FIG4: variants seen among roughly 807,000 people sequenced by gnomAD.
FIG4 encodes FIG4 phosphoinositide 5-phosphatase.
FIG4 carries 112 observed loss-of-function variants against 118.6 expected under a neutral mutation model. The ratio of observed to expected loss-of-function variants is 0.94; its 90% CI spans 0.81 to 1.11. The LOEUF is 1.11. Ranked by LOEUF, FIG4 falls within the 50% of genes least tolerant of loss-of-function variation. The pLI is 0.00. For missense variants in FIG4, 969 were observed against 1,111.7 expected, an observed-to-expected ratio of 0.87 and a Z score of 1.83; for synonymous variants, 369 against 381.2, an observed-to-expected ratio of 0.97 and a Z score of 0.37.
intron 10 of FIG4, among the ~76,000 whole-genome samples, chr6:109,759,612 A>C (rs778599860): frequency 3.2e-4 from 49 of 152,330 alleles, no homozygotes; most frequent in Non-Finnish European, 6.0e-4. Context: ...ACAGTAAAGT[A>C]CTAGCTTCTC....
At chr6:109,804,977 A>G (rs1386831802) in intron 22 of FIG4, among the ~76,000 whole-genome samples, 4 of 152,214 alleles carry the variant, frequency 2.6e-5, no homozygotes, top group Admixed American at 1.3e-4. Context: ...TCTTTTAGGA[A>G]TTTTATGCAG....
chr6:109,710,508 T>G (rs543017538), intron 1 of FIG4, among the ~76,000 whole-genome samples: 1 of 152,350 alleles, frequency 6.6e-6, no homozygotes, highest in African/African-American at 2.4e-5. Context: ...TCAGTTTTTT[T>G]GGAATAGTTT....
At chr6:109,820,791 C>T (rs972709555) in intron 22 of FIG4, among the ~76,000 whole-genome samples, 1 of 152,158 alleles carries the variant, frequency 6.6e-6, no homozygotes, top group Non-Finnish European at 1.5e-5. Flanking sequence ...CTACAGACAA[C>T]ACTTACCTCA....
chr6:109,707,611 G>A (rs907246371), intron 1 of FIG4, among the ~76,000 whole-genome samples: 2 of 151,724 alleles, frequency 1.3e-5, no homozygotes, highest in African/African-American at 4.8e-5. Flanking sequence ...GACCCAACTT[G>A]TCTGACATTT....
At position 109,786,384 on chromosome 6, in the gene FIG4, C is replaced by T. The variant is rs1468336267; in HGVS notation, c.2031C>T (p.Phe677=). The change falls in exon 18 of 23, where the codon TTC becomes TTT. Residue 677 remains phenylalanine, a synonymous_variant. Transcript: ENST00000230124. ...YEEEIDIHNE[F]FRPYELSSFD... ...AAGAGATTGATATCCACAATGAGTTCTTTCGGCCATATGAGTTGAGCAGCT... is the reference window on the plus strand; with the variant it reads ...AAGAGATTGATATCCACAATGAGTTTTTTCGGCCATATGAGTTGAGCAGCT... The T allele has an allele frequency of 6.2e-7, 1 of 1,613,966 alleles. No individual in the cohort carries two copies. The highest frequency in any genetic ancestry group is 8.5e-7 in the Non-Finnish European group (1 of 1,179,868).
chr6:109,752,198 A>G (rs889037073), intron 10 of FIG4, among the ~76,000 whole-genome samples: 11 of 151,932 alleles, frequency 7.2e-5, no homozygotes, highest in African/African-American at 2.4e-4. Context: ...ATAGTATTCC[A>G]TGGTGTATAT....
At chr6:109,747,342 G>A (rs1013247489) in intron 10 of FIG4, among the ~76,000 whole-genome samples, 6 of 152,114 alleles carry the variant, frequency 3.9e-5, no homozygotes, top group Non-Finnish European at 1.5e-5. Context: ...CCCATTTAGA[G>A]TGGCTGAATC....
intron 21 of FIG4, among the ~76,000 whole-genome samples, chr6:109,793,834 C>T (rs1191018521): frequency 6.6e-6 from 1 of 152,192 alleles, no homozygotes; most frequent in Non-Finnish European, 1.5e-5. Context: ...CTGTAACTTG[C>T]ACTTTTTTGA....
At chr6:109,794,422 A>G (rs1233022963) in intron 21 of FIG4, among the ~76,000 whole-genome samples, 2 of 152,126 alleles carry the variant, frequency 1.3e-5, no homozygotes, top group Non-Finnish European at 2.9e-5. Flanking sequence ...GGGGCTGATC[A>G]TTCTTTCCCT....
intron 5 of FIG4, among the ~76,000 whole-genome samples, chr6:109,734,403 A>G (rs1329671370): frequency 6.6e-6 from 1 of 150,474 alleles, no homozygotes; most frequent in Non-Finnish European, 1.5e-5. Context: ...ATACACAACT[A>G]TGTATGTATG....
intron 22 of FIG4, among the ~76,000 whole-genome samples, chr6:109,820,682 C>T (rs764863663): frequency 1.6e-4 from 25 of 152,032 alleles, no homozygotes; most frequent in African/African-American, 5.8e-4. Flanking sequence ...AGAGCCTGGT[C>T]GGTTCTGGAA....
In FIG4 at chr6:109,691,505, A is replaced by T; in HGVS notation, c.66+4A>T. The T allele has an allele frequency of 6.4e-7, 1 of 1,574,358 alleles. No individual in the cohort carries two copies. Among genetic ancestry groups the T allele is most frequent in the Non-Finnish European group, 8.6e-7 (1 of 1,159,582 alleles). On this transcript the variant is annotated splice_donor_region_variant and intron_variant, in intron 1 of 22. Coordinates refer to ENST00000230124, the MANE Select transcript of FIG4 (RefSeq NM_014845.6). Reference sequence around the variant, plus strand: ...GGTTCTGTATGAGACTAGAGCTGTGAGTACCCCCTCGCGGCGGGGCGCAGG... The same window carrying T: ...GGTTCTGTATGAGACTAGAGCTGTGTGTACCCCCTCGCGGCGGGGCGCAGG...
chr6:109,738,201 GAAGTT>G (rs1275773636), intron 6 of FIG4, 119 bp from the exon 7 acceptor site: 1 of 801,900 alleles, frequency 1.2e-6, no homozygotes, highest in Non-Finnish European at 2.1e-6. Context: ...GTTAAAAACA[GAAGTT>G]AACTTAAAAA....
intron 3 of FIG4, among the ~76,000 whole-genome samples, chr6:109,726,156 A>G (rs1440205166): frequency 1.3e-5 from 2 of 152,190 alleles, no homozygotes; most frequent in Non-Finnish European, 2.9e-5. Context: ...TTGGTGTTTT[A>G]GACATGAAGC....
intron 22 of FIG4, among the ~76,000 whole-genome samples, chr6:109,821,826 CA>C (rs1423699594): frequency 1.4e-4 from 21 of 152,264 alleles, no homozygotes; most frequent in African/African-American, 5.1e-4. Context: ...CAGCTAAATC[CA>C]AACTGAGGGA....
At chr6:109,766,120 G>A (rs1007610520) in intron 14 of FIG4, among the ~76,000 whole-genome samples, 1 of 152,176 alleles carries the variant, frequency 6.6e-6, no homozygotes, top group African/African-American at 2.4e-5. Flanking sequence ...CGTCATGACT[G>A]GGATTAGTGT....
At chr6:109,808,982 T>C (rs904963156) in intron 22 of FIG4, among the ~76,000 whole-genome samples, 1 of 152,224 alleles carries the variant, frequency 6.6e-6, no homozygotes, top group African/African-American at 2.4e-5. Flanking sequence ...TAAAAACTCA[T>C]GCATGGGTAA....
intron 10 of FIG4, among the ~76,000 whole-genome samples, chr6:109,747,487 C>T (rs1213470809): frequency 6.6e-6 from 1 of 151,964 alleles, no homozygotes; most frequent in Non-Finnish European, 1.5e-5. Flanking sequence ...GCTGAGGGGT[C>T]AAGTAAGATG....
intron 1 of FIG4, among the ~76,000 whole-genome samples, chr6:109,707,432 T>C (rs1406190312): frequency 2.0e-5 from 3 of 148,436 alleles, no homozygotes; most frequent in South Asian, 2.1e-4. Context: ...CATATATACA[T>C]ATATATACAT....
Sources: gnomAD v4.1 joint callset for allele counts (sites outside exome capture counted in the v4.1 genomes callset) on GRCh38, gnomAD v4.1.1 for gene constraint, MANE v1.5 for transcripts, NCBI Gene and HGNC (gene_info 2026-07-23, HGNC 2026-07-21) for gene names.